SUPT3H: variants seen among roughly 807,000 people sequenced by gnomAD.
SUPT3H encodes the protein transcription initiation protein SPT3 homolog.
A neutral mutation model predicts 44.3 loss-of-function variants in SUPT3H; 44 were observed. The observed-to-expected ratio is 0.99, with a 90% CI of 0.78 to 1.28. The LOEUF is 1.28. SUPT3H is among the 50% of genes most tolerant of loss of function. The probability of loss-of-function intolerance (pLI) is 0.00; values close to 1 mark genes in which losing one functional copy is unlikely to be tolerated. For synonymous variants in SUPT3H, 124 were observed against 125.6 expected, an observed-to-expected ratio of 0.99 and a Z score of 0.09; for missense variants, 380 against 387.1, an observed-to-expected ratio of 0.98 and a Z score of 0.15.
chr6:45,195,847 T>C (rs1000637527), intron 2 of SUPT3H, among the ~76,000 whole-genome samples: 3 of 152,126 alleles, frequency 2.0e-5, no homozygotes, highest in African/African-American at 7.2e-5. Flanking sequence ...AGTCTTTAGT[T>C]TGAATCTCAC....
intron 6 of SUPT3H, among the ~76,000 whole-genome samples, chr6:44,998,582 C>G (rs75439578): frequency 0.012 from 1,838 of 151,878 alleles, 35 homozygotes; most frequent in African/African-American, 0.042. Context: ...AAAGTGGTAA[C>G]AGTGGGCATT....
chr6:44,970,325 G>A (rs1291189535), intron 6 of SUPT3H, among the ~76,000 whole-genome samples: 1 of 152,146 alleles, frequency 6.6e-6, no homozygotes, highest in South Asian at 2.1e-4. Flanking sequence ...TAAAATGTGT[G>A]TTAAGAAAAG....
chr6:45,328,128 G>A (rs1328173441), intron 2 of SUPT3H: 2 of 437,492 alleles, frequency 4.6e-6, no homozygotes, highest in South Asian at 5.1e-5. Flanking sequence ...CTGGATGCCA[G>A]GAAAGGCCTT....
intron 2 of SUPT3H, among the ~76,000 whole-genome samples, chr6:45,274,952 TTTTTC>T (rs1468066886): frequency 6.6e-6 from 1 of 152,304 alleles, no homozygotes; most frequent in African/African-American, 2.4e-5. Flanking sequence ...TGCTTTGATT[TTTTTC>T]TTTTTTTCTA....
intron 2 of SUPT3H, among the ~76,000 whole-genome samples, chr6:45,204,682 T>G (rs1762966638): frequency 6.6e-6 from 1 of 152,166 alleles, no homozygotes; most frequent in South Asian, 2.1e-4. Context: ...TTTCCAAATC[T>G]TGATGCAGTC....
chr6:44,897,342 T>A (rs1238344676), intron 10 of SUPT3H, among the ~76,000 whole-genome samples: 1 of 152,180 alleles, frequency 6.6e-6, no homozygotes, highest in Non-Finnish European at 1.5e-5. Context: ...CCTATAGAAA[T>A]CTAATGTTAG....
intron 2 of SUPT3H, among the ~76,000 whole-genome samples, chr6:45,187,072 TG>T (rs1814335096): frequency 7.7e-6 from 1 of 130,080 alleles, no homozygotes; most frequent in Non-Finnish European, 1.6e-5. Context: ...GAGTCCAGCC[TG>T]GGCAACATGG....
chr6:45,061,076 C>T (rs1791927100), intron 3 of SUPT3H, among the ~76,000 whole-genome samples: 1 of 152,090 alleles, frequency 6.6e-6, no homozygotes, highest in Admixed American at 6.5e-5. Context: ...CACCATTTGA[C>T]CCAGCAATGC....
rs1562573074 is a variant in SUPT3H at position 45,158,292 on chromosome 6, ATATATATTTTTTTTT to A, written c.102-52301_102-52287del. Among the ~76,000 whole-genome samples the A allele has an allele frequency of 1.2e-3, 38 of 32,372 alleles. 1 individual carries two copies. The highest frequency in any genetic ancestry group is 0.01 in the Middle Eastern group (1 of 98). The allele number at this position is 32,372 out of a possible 152,430, so 21.2% of individuals were successfully genotyped here. A position where few individuals can be genotyped will look rare whatever the true frequency, so the allele number is the denominator to read the frequency against. On this transcript the variant is annotated intron_variant, in intron 2 of 10. Transcript: ENST00000371459. ...TAAATATACATATATATATATATAT[ATATATATTTTTTTTT>A]TTTTTTTTTTGAGATGGAGTCTCAC... is the stretch of plus-strand genomic sequence containing the variant.
chr6:45,357,912 C>T (rs1277226263), intron 2 of SUPT3H, among the ~76,000 whole-genome samples: 1 of 151,930 alleles, frequency 6.6e-6, no homozygotes, highest in Non-Finnish European at 1.5e-5. Context: ...TATATAAATA[C>T]ATTCACAAAA....
At position 45,254,082 on chromosome 6, in the gene SUPT3H, G is replaced by A. The variant is rs527911929; in HGVS notation, c.101+111119C>T. On this transcript the variant is annotated intron_variant, in intron 2 of 10. Coordinates refer to ENST00000371459, the MANE Select transcript of SUPT3H (RefSeq NM_003599.4). Reference sequence around the variant, plus strand: ...ATGTTTATATTTTATATCTTTAAATGAGTATTACTACATTTATAATCAGCA... The same window carrying A: ...ATGTTTATATTTTATATCTTTAAATAAGTATTACTACATTTATAATCAGCA... Among the ~76,000 whole-genome samples, 4 of 151,712 alleles carry A rather than the reference G, an allele frequency of 2.6e-5. No individual in the cohort carries two copies. In the South Asian group the frequency reaches 8.4e-4, roughly 32 times the overall value.
At chr6:45,084,568 G>T (rs566704503) in intron 3 of SUPT3H, among the ~76,000 whole-genome samples, 1 of 152,106 alleles carries the variant, frequency 6.6e-6, no homozygotes, top group Non-Finnish European at 1.5e-5. Flanking sequence ...ATTTCACAAA[G>T]AACTTAAAAC....
chr6:44,811,295 T>TGGGAA (rs1420627430), intron 11 of SUPT3H, among the ~76,000 whole-genome samples: 1 of 152,210 alleles, frequency 6.6e-6, no homozygotes, highest in African/African-American at 2.4e-5. Context: ...GAAGGGGTTA[T>TGGGAA]GGGTTATTGG....
chr6:44,900,356 C>T (rs559039795), intron 10 of SUPT3H, among the ~76,000 whole-genome samples: 4 of 152,322 alleles, frequency 2.6e-5, no homozygotes, highest in East Asian at 1.9e-4. Context: ...TCTTAGCAAA[C>T]GGCACACCAG....
At chr6:45,374,172 T>C (rs1415945840) in intron 1 of SUPT3H, among the ~76,000 whole-genome samples, 1 of 152,182 alleles carries the variant, frequency 6.6e-6, no homozygotes, top group East Asian at 1.9e-4. Context: ...TTAACTGAAA[T>C]GACAAAAGAA....
intron 10 of SUPT3H, among the ~76,000 whole-genome samples, chr6:44,833,045 C>T (rs1769151401): frequency 6.6e-6 from 1 of 152,126 alleles, no homozygotes; most frequent in South Asian, 2.1e-4. Context: ...GTAGTTCCGA[C>T]TTAAATATTA....
chr6:45,317,436 T>G (rs1784867858), intron 2 of SUPT3H, among the ~76,000 whole-genome samples: 1 of 151,860 alleles, frequency 6.6e-6, no homozygotes. Flanking sequence ...ATTACCTAAT[T>G]TGAAAATCTA....
chr6:45,019,051 C>T (rs1318872289), intron 4 of SUPT3H, among the ~76,000 whole-genome samples: 1 of 152,166 alleles, frequency 6.6e-6, no homozygotes, highest in Non-Finnish European at 1.5e-5. Flanking sequence ...TTCAGAGATT[C>T]AACTTCTTCC....
intron 3 of SUPT3H, among the ~76,000 whole-genome samples, chr6:45,021,729 G>A (rs1279198194): frequency 6.6e-6 from 1 of 151,904 alleles, no homozygotes; most frequent in Non-Finnish European, 1.5e-5. Context: ...TTGTGCTAAA[G>A]AAATTCTGCT....
Sources: allele counts gnomAD v4.1 joint callset (sites outside exome capture counted in the v4.1 genomes callset), GRCh38; gene constraint gnomAD v4.1.1; transcripts MANE v1.5; gene names NCBI Gene and HGNC (gene_info 2026-07-23, HGNC 2026-07-21).